The following XRCC4 variants were observed in gnomAD, a reference collection of about 807,000 sequenced individuals.
The protein encoded by XRCC4 is X-ray repair cross complementing 4.
In XRCC4, 28 loss-of-function variants were observed where a neutral mutation model predicts 39.1. That is an observed-to-expected ratio of 0.72 (90% CI 0.53 to 0.98). XRCC4 has a LOEUF of 0.98. Among genes scored for constraint, XRCC4 ranks in the 50% least tolerant of loss-of-function variants. XRCC4 has a pLI of 0.00. For missense variants in XRCC4, 350 were observed against 376.4 expected (o/e 0.93, Z 0.58); for synonymous variants, 123 against 126.4 (o/e 0.97, Z 0.18).
chr5:83,261,384 A>G (rs1355638446), intron 7 of XRCC4, among the ~76,000 whole-genome samples: 1 of 152,038 alleles, frequency 6.6e-6, no homozygotes, highest in Non-Finnish European at 1.5e-5. Flanking sequence ...AGACTCACAA[A>G]TAAACGCAGA....
At chr5:83,188,819 G>A (rs1750567827) in intron 3 of XRCC4, among the ~76,000 whole-genome samples, 1 of 152,124 alleles carries the variant, frequency 6.6e-6, no homozygotes, top group African/African-American at 2.4e-5. Flanking sequence ...TAAGAAGAGG[G>A]CCAAGGAATT....
At chr5:83,130,723 T>G (rs1384580449) in intron 3 of XRCC4, among the ~76,000 whole-genome samples, 1 of 152,204 alleles carries the variant, frequency 6.6e-6, no homozygotes, top group African/African-American at 2.4e-5. Context: ...GAGGAATTTA[T>G]CCATTTCTTC....
At chr5:83,324,912 A>T (rs1272290734) in intron 7 of XRCC4, among the ~76,000 whole-genome samples, 1 of 152,148 alleles carries the variant, frequency 6.6e-6, no homozygotes, top group East Asian at 1.9e-4. Context: ...CTTACTGGGA[A>T]CTCAGAAGAT....
intron 7 of XRCC4, among the ~76,000 whole-genome samples, chr5:83,264,658 C>T (rs1465292062): frequency 6.6e-6 from 1 of 152,078 alleles, no homozygotes; most frequent in African/African-American, 2.4e-5. Context: ...TACTCTGTGT[C>T]GTTGCAGATC....
At chr5:83,135,116 C>G (rs545444272) in intron 3 of XRCC4, among the ~76,000 whole-genome samples, 2 of 152,180 alleles carry the variant, frequency 1.3e-5, no homozygotes, top group Non-Finnish European at 2.9e-5. Flanking sequence ...ACACAGGTAC[C>G]GTCTGTCATG....
chr5:83,316,092 C>T (rs1755872890), intron 7 of XRCC4, among the ~76,000 whole-genome samples: 1 of 152,022 alleles, frequency 6.6e-6, no homozygotes, highest in Non-Finnish European at 1.5e-5. Context: ...GAAGTTGATT[C>T]CAATCCTTGT....
chr5:83,134,692 G>T (rs1252266457), intron 3 of XRCC4, among the ~76,000 whole-genome samples: 1 of 152,148 alleles, frequency 6.6e-6, no homozygotes, highest in East Asian at 1.9e-4. Flanking sequence ...ACTCACTCGG[G>T]TACCCTTGCG....
intron 7 of XRCC4, among the ~76,000 whole-genome samples, chr5:83,320,711 A>G (rs568381545): frequency 3.3e-5 from 5 of 151,942 alleles, no homozygotes; most frequent in African/African-American, 1.2e-4. Flanking sequence ...TTGAGGCAAG[A>G]CCCTGCACCA....
chr5:83,295,623 A>G (rs192539872), intron 7 of XRCC4, among the ~76,000 whole-genome samples: 2 of 152,040 alleles, frequency 1.3e-5, no homozygotes, highest in Non-Finnish European at 2.9e-5. Flanking sequence ...GAGGTATTCC[A>G]TGAAGAAAGA....
intron 3 of XRCC4, among the ~76,000 whole-genome samples, chr5:83,172,356 A>G (rs1398952520): frequency 1.3e-5 from 2 of 152,172 alleles, no homozygotes; most frequent in African/African-American, 4.8e-5. Context: ...CCTAAAGACC[A>G]TTTTAAACTG....
At chr5:83,271,201 T>G (rs1473813598) in intron 7 of XRCC4, among the ~76,000 whole-genome samples, 1 of 152,186 alleles carries the variant, frequency 6.6e-6, no homozygotes, top group Non-Finnish European at 1.5e-5. Flanking sequence ...ACTTGAAAAT[T>G]ATTGTAATCC....
At chr5:83,088,835 A>G (rs1204389827) in intron 1 of XRCC4, among the ~76,000 whole-genome samples, 1 of 152,152 alleles carries the variant, frequency 6.6e-6, no homozygotes, top group Non-Finnish European at 1.5e-5. Flanking sequence ...ATTATTGATA[A>G]TTTGACTTCA....
At chr5:83,308,947 A>G (rs1755584233) in intron 7 of XRCC4, among the ~76,000 whole-genome samples, 1 of 151,956 alleles carries the variant, frequency 6.6e-6, no homozygotes, top group African/African-American at 2.4e-5. Flanking sequence ...CATTTATTGC[A>G]CAGCAAGGAA....
chr5:83,101,294 A>C (rs1395882447), intron 1 of XRCC4, among the ~76,000 whole-genome samples: 2 of 152,060 alleles, frequency 1.3e-5, no homozygotes, highest in African/African-American at 4.8e-5. Flanking sequence ...CTTTTAATGA[A>C]GCTCACAAAA....
chr5:83,207,679 G>A (rs1231445835), intron 6 of XRCC4, among the ~76,000 whole-genome samples: 1 of 151,998 alleles, frequency 6.6e-6, no homozygotes, highest in African/African-American at 2.4e-5. Flanking sequence ...AATTGTAGAT[G>A]TTAAACAACA....
intron 3 of XRCC4, among the ~76,000 whole-genome samples, chr5:83,183,906 A>T (rs903434587): frequency 9.2e-5 from 14 of 152,158 alleles, no homozygotes; most frequent in African/African-American, 3.4e-4. Context: ...CACTTTGAAG[A>T]TTTTAAAATG....
chr5:83,092,410 T>A (rs1254219342), intron 1 of XRCC4, among the ~76,000 whole-genome samples: 2 of 152,142 alleles, frequency 1.3e-5, no homozygotes, highest in African/African-American at 4.8e-5. Flanking sequence ...GCTTTTAATG[T>A]CAAATCCATT....
intron 4 of XRCC4, among the ~76,000 whole-genome samples, chr5:83,199,935 G>A (rs1433253363): frequency 6.6e-6 from 1 of 151,948 alleles, no homozygotes. Flanking sequence ...TTTGAGATTT[G>A]CCTGGATTTG....
chr5:83,114,409 T>C (rs1746609285), intron 3 of XRCC4, among the ~76,000 whole-genome samples: 1 of 152,234 alleles, frequency 6.6e-6, no homozygotes, highest in Non-Finnish European at 1.5e-5. Context: ...AATGCTTTGC[T>C]GCTTAGAAAT....
Sources: gnomAD v4.1 joint callset for allele counts (sites outside exome capture counted in the v4.1 genomes callset) on GRCh38, gnomAD v4.1.1 for gene constraint, MANE v1.5 for transcripts, NCBI Gene and HGNC (gene_info 2026-07-23, HGNC 2026-07-21) for gene names.